Variants in NKAIN2 observed in about 807,000 individuals in gnomAD.
The protein encoded by NKAIN2 is sodium/potassium transporting ATPase interacting 2, also known as sodium/potassium-transporting ATPase subunit beta-1-interacting protein 2.
NKAIN2 carries 14 observed loss-of-function variants against 32.6 expected under a neutral mutation model. The ratio of observed to expected loss-of-function variants is 0.43; its 90% confidence interval spans 0.28 to 0.67. The LOEUF is 0.67. Among genes scored for constraint, NKAIN2 ranks in the 30% least tolerant of loss-of-function variants. The probability of loss-of-function intolerance (pLI) is 0.17; values close to 1 mark genes in which losing one functional copy is unlikely to be tolerated. For missense variants in NKAIN2, 198 were observed against 258.3 expected, an observed-to-expected ratio of 0.77 and a Z score of 1.60; for synonymous variants, 80 against 87.2, an observed-to-expected ratio of 0.92 and a Z score of 0.46.
At chr6:124,714,347 A>G (rs1300049551) in intron 4 of NKAIN2, among the ~76,000 whole-genome samples, 1 of 152,246 alleles carries the variant, frequency 6.6e-6, no homozygotes, top group Non-Finnish European at 1.5e-5. Flanking sequence ...TAAATGATTA[A>G]TGAATCTGTC....
intron 2 of NKAIN2, among the ~76,000 whole-genome samples, chr6:124,322,840 C>A (rs953489275): frequency 8.5e-5 from 13 of 152,238 alleles, no homozygotes; most frequent in Non-Finnish European, 1.8e-4. Context: ...ATTTAAGAAA[C>A]TGCCAAATTA....
At chr6:124,535,092 C>T (rs181943317) in intron 3 of NKAIN2, among the ~76,000 whole-genome samples, 53 of 152,258 alleles carry the variant, frequency 3.5e-4, no homozygotes, top group Non-Finnish European at 5.6e-4. Flanking sequence ...AAAGTCTGTG[C>T]GCATTCAATA....
At chr6:123,821,473 A>T (rs2114888958) in intron 1 of NKAIN2, among the ~76,000 whole-genome samples, 1 of 152,240 alleles carries the variant, frequency 6.6e-6, no homozygotes, top group Non-Finnish European at 1.5e-5. Context: ...TTGGCATTTG[A>T]CTTTGCATTA....
chr6:124,325,281 C>T (rs1351761830), intron 2 of NKAIN2, among the ~76,000 whole-genome samples: 1 of 151,994 alleles, frequency 6.6e-6, no homozygotes, highest in Non-Finnish European at 1.5e-5. Flanking sequence ...AAACACTTTG[C>T]AATTCATATT....
intron 3 of NKAIN2, among the ~76,000 whole-genome samples, chr6:124,596,224 G>T (rs1162741019): frequency 6.6e-6 from 1 of 152,168 alleles, no homozygotes; most frequent in Admixed American, 6.5e-5. Flanking sequence ...AAGGTACTTA[G>T]GGGGCATCAG....
chr6:123,880,565 T>C (rs775291334), intron 1 of NKAIN2, among the ~76,000 whole-genome samples: 58 of 152,292 alleles, frequency 3.8e-4, no homozygotes, highest in Admixed American at 5.9e-4. Context: ...CATCTCTATT[T>C]CAAGAACTGC....
chr6:123,976,280 TTTCC>T (rs1562287287), intron 1 of NKAIN2, among the ~76,000 whole-genome samples: 1 of 110,878 alleles, frequency 9.0e-6, no homozygotes, highest in Non-Finnish European at 2.0e-5. Flanking sequence ...CATATATATG[TTTCC>T]ATATATATGT....
At chr6:123,938,600 T>C (rs1421783235) in intron 1 of NKAIN2, among the ~76,000 whole-genome samples, 1 of 140,846 alleles carries the variant, frequency 7.1e-6, no homozygotes, top group African/African-American at 2.6e-5. Flanking sequence ...TTATATATTA[T>C]ATATATTTTT....
chr6:123,966,761 G>T (rs1287084701), intron 1 of NKAIN2, among the ~76,000 whole-genome samples: 3 of 152,102 alleles, frequency 2.0e-5, no homozygotes, highest in African/African-American at 7.2e-5. Context: ...CTGATATTAT[G>T]TCTACTGTAT....
chr6:124,379,336 GGGGAGTAAGGAGAGAA>G (rs1800156823), intron 3 of NKAIN2, among the ~76,000 whole-genome samples: 3 of 138,162 alleles, frequency 2.2e-5, no homozygotes, highest in African/African-American at 8.1e-5. Context: ...GGAGGAGAGA[GGGGAGTAAGGAGAGAA>G]GGGAGAGAGA....
intron 3 of NKAIN2, among the ~76,000 whole-genome samples, chr6:124,566,684 C>CTT (rs112230902): frequency 0.24 from 37,007 of 151,848 alleles, 4,795 homozygotes; most frequent in East Asian, 0.42. Flanking sequence ...TCATAAGACT[C>CTT]TACTGTGGAC....
At chr6:124,358,464 C>T (rs1036979994) in intron 3 of NKAIN2, among the ~76,000 whole-genome samples, 104 of 152,132 alleles carry the variant, frequency 6.8e-4, no homozygotes, top group African/African-American at 2.2e-3. Flanking sequence ...TAATGATCAC[C>T]ATTCTAACTG....
intron 1 of NKAIN2, among the ~76,000 whole-genome samples, chr6:124,009,929 A>G (rs1780246682): frequency 6.6e-6 from 1 of 152,146 alleles, no homozygotes; most frequent in Non-Finnish European, 1.5e-5. Flanking sequence ...TACATAATAT[A>G]TGTATGTATA....
chr6:124,217,659 A>G (rs978339506), intron 1 of NKAIN2, among the ~76,000 whole-genome samples: 6 of 152,104 alleles, frequency 3.9e-5, no homozygotes, highest in African/African-American at 1.4e-4. Context: ...TGGAATTCCA[A>G]TTGACATTCT....
intron 1 of NKAIN2, among the ~76,000 whole-genome samples, chr6:124,197,837 G>GT (rs71541243): frequency 0.021 from 1,975 of 94,404 alleles, 54 homozygotes; most frequent in African/African-American, 0.062. Context: ...CCTGTGTCTG[G>GT]TTTTTTTTTT....
chr6:124,629,420 C>T (rs1783477795), intron 3 of NKAIN2, among the ~76,000 whole-genome samples: 1 of 152,154 alleles, frequency 6.6e-6, no homozygotes, highest in South Asian at 2.1e-4. Context: ...TCCACTAGCC[C>T]CCAGATTTAT....
intron 6 of NKAIN2, among the ~76,000 whole-genome samples, chr6:124,821,418 A>T (rs1781391605): frequency 6.6e-6 from 1 of 152,206 alleles, no homozygotes; most frequent in Non-Finnish European, 1.5e-5. Context: ...TCAAGCTGTA[A>T]TAAATTAGAG....
intron 5 of NKAIN2, among the ~76,000 whole-genome samples, chr6:124,810,146 G>C (rs988003649): frequency 1.3e-5 from 2 of 152,054 alleles, no homozygotes; most frequent in Non-Finnish European, 2.9e-5. Context: ...TGTACCCAAA[G>C]GACTATAAAT....
At chr6:124,629,463 C>T (rs1783479310) in intron 3 of NKAIN2, among the ~76,000 whole-genome samples, 1 of 152,026 alleles carries the variant, frequency 6.6e-6, no homozygotes. Context: ...AAATTAGGCC[C>T]CCAAAAAACT....
Sources: allele counts gnomAD v4.1 joint callset (sites outside exome capture counted in the v4.1 genomes callset), GRCh38; gene constraint gnomAD v4.1.1; transcripts MANE v1.5; gene names NCBI Gene and HGNC (gene_info 2026-07-23, HGNC 2026-07-21).